The following BCAR3 variants were observed in gnomAD, a reference collection of about 807,000 sequenced individuals.
BCAR3 encodes BCAR3 adaptor protein, NSP family member.
Under a neutral mutation model 80.1 loss-of-function variants are expected in BCAR3, and 37 were observed. The ratio of observed to expected loss-of-function variants is 0.46; its 90% confidence interval spans 0.36 to 0.61. The LOEUF is 0.61. Among genes scored for constraint, BCAR3 ranks in the 20% least tolerant of loss-of-function variants. BCAR3 has a pLI of 0.00. For synonymous variants in BCAR3, 389 were observed against 418.9 expected, an observed-to-expected ratio of 0.93 and a Z score of 0.87; for missense variants, 978 against 1,068.2, an observed-to-expected ratio of 0.92 and a Z score of 1.18.
chr1:93,601,604 C>T (rs1674626295), intron 3 of BCAR3, among the ~76,000 whole-genome samples: 1 of 152,202 alleles, frequency 6.6e-6, no homozygotes, highest in South Asian at 2.1e-4. Context: ...TGTGTTTGCA[C>T]AAGACTAAGA....
rs1673772231 is a variant in BCAR3 at position 93,582,823 on chromosome 1, A to G, written c.1164T>C (p.Ala388=). Residue 388 remains alanine, a synonymous_variant, in exon 7 of 12, where the codon GCT becomes GCC. Transcript: ENST00000260502. ...VVRRVSSDAR[A]GEALRGSDSQ... Reference sequence around the variant, plus strand: ...TGTCTGATCCCCTCAGCGCCTCCCCAGCCCTGGCGTCTGAGGAGACCCTCC... The same window carrying G: ...TGTCTGATCCCCTCAGCGCCTCCCCGGCCCTGGCGTCTGAGGAGACCCTCC... 1.2e-6 allele frequency: 2 copies of G among 1,613,806 alleles called. No individual in the cohort carries two copies.
At chr1:93,777,375 C>T (rs796394604) in intron 2 of BCAR3, among the ~76,000 whole-genome samples, 23 of 115,258 alleles carry the variant, frequency 2.0e-4, no homozygotes, top group African/African-American at 4.5e-4. Context: ...CTTCTTCTTC[C>T]TCCTCTTCTT....
chr1:93,832,093 A>G (rs927890275), intron 2 of BCAR3, among the ~76,000 whole-genome samples: 14 of 152,218 alleles, frequency 9.2e-5, no homozygotes, highest in African/African-American at 3.4e-4. Flanking sequence ...TGACATTAGA[A>G]AAAGCTCCGT....
chr1:93,570,769 CCTT>C (rs563269693), intron 9 of BCAR3, among the ~76,000 whole-genome samples: 1 of 152,244 alleles, frequency 6.6e-6, no homozygotes, highest in Non-Finnish European at 1.5e-5. Flanking sequence ...GAGGCAGTCT[CCTT>C]CTTATACAAC....
At chr1:93,587,574 C>A (rs1445143750) in intron 5 of BCAR3, among the ~76,000 whole-genome samples, 3 of 152,150 alleles carry the variant, frequency 2.0e-5, no homozygotes, top group African/African-American at 7.2e-5. Flanking sequence ...TGCTGACTAG[C>A]ATGTGCCGGA....
chr1:93,669,023 T>A (rs1406507723), intron 2 of BCAR3, among the ~76,000 whole-genome samples: 2 of 152,200 alleles, frequency 1.3e-5, no homozygotes, highest in Non-Finnish European at 2.9e-5. Flanking sequence ...CAAGATTTTT[T>A]TTTTTAACTC....
intron 3 of BCAR3, among the ~76,000 whole-genome samples, chr1:93,637,977 C>T (rs1287781425): frequency 2.6e-5 from 4 of 152,130 alleles, no homozygotes; most frequent in African/African-American, 9.7e-5. Context: ...GGCTGGGGCG[C>T]GGTGGCTCAC....
chr1:93,717,164 AC>A (rs1446475786), intron 2 of BCAR3, among the ~76,000 whole-genome samples: 3 of 152,148 alleles, frequency 2.0e-5, no homozygotes, highest in Non-Finnish European at 4.4e-5. Context: ...AGGATGAGAG[AC>A]CTCATGGAGC....
chr1:93,846,383 G>C (rs1328744561), intron 1 of BCAR3, among the ~76,000 whole-genome samples: 1 of 152,220 alleles, frequency 6.6e-6, no homozygotes, highest in Non-Finnish European at 1.5e-5. Context: ...GCGGGGCCGG[G>C]ACTGCTGTGA....
chr1:93,626,605 A>C (rs1466437491), intron 3 of BCAR3, among the ~76,000 whole-genome samples: 2 of 152,244 alleles, frequency 1.3e-5, no homozygotes, highest in African/African-American at 4.8e-5. Flanking sequence ...GCCTCAGCAC[A>C]AAGCAAGGCA....
intron 3 of BCAR3, among the ~76,000 whole-genome samples, chr1:93,687,777 A>G (rs556360852): frequency 2.0e-5 from 3 of 152,342 alleles, no homozygotes; most frequent in Non-Finnish European, 4.4e-5. Flanking sequence ...ATCCCGTAAC[A>G]GCACTAATTA....
intron 2 of BCAR3, among the ~76,000 whole-genome samples, chr1:93,788,065 T>C (rs1208992605): frequency 6.6e-6 from 1 of 152,246 alleles, no homozygotes; most frequent in African/African-American, 2.4e-5. Flanking sequence ...CATTATATAA[T>C]GTCCTTCTTT....
chr1:93,667,477 A>C (rs2101938654), intron 2 of BCAR3, among the ~76,000 whole-genome samples: 1 of 152,312 alleles, frequency 6.6e-6, no homozygotes, highest in Non-Finnish European at 1.5e-5. Context: ...AAGTGGCAAA[A>C]ACAAGGATAT....
At chr1:93,742,994 T>C (rs769227992) in intron 2 of BCAR3, among the ~76,000 whole-genome samples, 2 of 152,264 alleles carry the variant, frequency 1.3e-5, no homozygotes, top group Non-Finnish European at 1.5e-5. Flanking sequence ...ATAAGCCTTT[T>C]TTCAAATCAT....
intron 2 of BCAR3, among the ~76,000 whole-genome samples, chr1:93,798,720 T>C (rs1356563030): frequency 3.0e-4 from 45 of 152,164 alleles, no homozygotes; most frequent in Admixed American, 2.9e-3. Flanking sequence ...CACAACGACA[T>C]AGCTTGTTTG....
chr1:93,576,479 C>G (rs1214760623), intron 7 of BCAR3, among the ~76,000 whole-genome samples: 1 of 152,232 alleles, frequency 6.6e-6, no homozygotes, highest in Non-Finnish European at 1.5e-5. Flanking sequence ...TTGCTGCCAA[C>G]AGCAAGGCTG....
chr1:93,582,155 A>T, intron 7 of BCAR3, 146 bp downstream of exon 7: 2 of 1,079,252 alleles, frequency 1.9e-6, no homozygotes, highest in Non-Finnish European at 2.6e-6. Flanking sequence ...AGACTTTCCT[A>T]TGGGCAAAGC....
At chr1:93,809,325 G>T (rs1193697850) in intron 2 of BCAR3, among the ~76,000 whole-genome samples, 1 of 151,088 alleles carries the variant, frequency 6.6e-6, no homozygotes, top group Non-Finnish European at 1.5e-5. Flanking sequence ...TCTTCTGTTG[G>T]AGGTAACCAC....
chr1:93,593,659 G>A (rs1181083169), intron 3 of BCAR3, among the ~76,000 whole-genome samples: 1 of 152,102 alleles, frequency 6.6e-6, no homozygotes, highest in African/African-American at 2.4e-5. Flanking sequence ...ACAGGCGTGA[G>A]CCACCATGCC....
Sources: allele counts gnomAD v4.1 joint callset (sites outside exome capture counted in the v4.1 genomes callset), GRCh38; gene constraint gnomAD v4.1.1; transcripts MANE v1.5; gene names NCBI Gene and HGNC (gene_info 2026-07-23, HGNC 2026-07-21).